Variants in INPP4B observed in about 807,000 individuals in gnomAD.
The protein encoded by INPP4B is inositol polyphosphate-4-phosphatase type II B, also known as inositol polyphosphate 4-phosphatase type II.
Under a neutral mutation model 122.5 loss-of-function variants are expected in INPP4B, and 55 were observed. The ratio of observed to expected loss-of-function variants is 0.45; its 90% CI spans 0.36 to 0.56. The LOEUF is 0.56. Among genes scored for constraint, INPP4B ranks in the 20% least tolerant of loss-of-function variants. The pLI is 0.00. For synonymous variants in INPP4B, 403 were observed against 388.7 expected, an observed-to-expected ratio of 1.04 and a Z score of -0.43; for missense variants, 1,000 against 1,097.7, an observed-to-expected ratio of 0.91 and a Z score of 1.26.
chr4:142,732,540 C>G (rs1262929138), intron 1 of INPP4B, among the ~76,000 whole-genome samples: 1 of 151,686 alleles, frequency 6.6e-6, no homozygotes, highest in Non-Finnish European at 1.5e-5. Flanking sequence ...ACAAATTATG[C>G]TACCATAATG....
Position 142,542,075 on chromosome 4 carries a change from C to T in INPP4B, c.-190-79349G>A, listed in dbSNP as rs367964737. Among the ~76,000 whole-genome samples the T allele has an allele frequency of 2.2e-4, 33 of 152,298 alleles. No individual in the cohort carries two copies. The South Asian group carries it at 6.8e-3, about 32-fold the overall frequency. On this transcript the variant is annotated intron_variant, in intron 2 of 25. Transcript: ENST00000262992. The stretch of plus-strand genomic sequence containing the variant: ...AGTGCACATTTCCAGCAAGTTCTGC[C>T]TGCATGGCACCATGGTAACTTCTCT...
At chr4:142,731,192 A>G (rs1766033301) in intron 1 of INPP4B, among the ~76,000 whole-genome samples, 1 of 152,134 alleles carries the variant, frequency 6.6e-6, no homozygotes, top group Non-Finnish European at 1.5e-5. Flanking sequence ...CCATGGCCAC[A>G]TTACATTTAA....
intron 2 of INPP4B, among the ~76,000 whole-genome samples, chr4:142,679,476 T>G (rs1758281676): frequency 6.6e-6 from 1 of 151,880 alleles, no homozygotes; most frequent in South Asian, 2.1e-4. Context: ...GCACTAGAGT[T>G]TTTTAAAATT....
intron 11 of INPP4B, among the ~76,000 whole-genome samples, chr4:142,258,577 T>C (rs1737810789): frequency 6.6e-6 from 1 of 152,188 alleles, no homozygotes; most frequent in Non-Finnish European, 1.5e-5. Context: ...AGAAGACATT[T>C]ATGCAGCCAA....
chr4:142,321,226 T>A (rs1405259550), intron 7 of INPP4B, among the ~76,000 whole-genome samples: 1 of 152,250 alleles, frequency 6.6e-6, no homozygotes, highest in Non-Finnish European at 1.5e-5. Context: ...TTAGTGATGT[T>A]GAGCACTTTT....
chr4:142,726,854 T>A (rs1048724549), intron 1 of INPP4B, among the ~76,000 whole-genome samples: 2 of 152,220 alleles, frequency 1.3e-5, no homozygotes, highest in Non-Finnish European at 2.9e-5. Context: ...GGAATGATAT[T>A]TTTTCCTATC....
At chr4:142,204,588 A>C (rs192339196) in intron 14 of INPP4B, among the ~76,000 whole-genome samples, 18 of 152,264 alleles carry the variant, frequency 1.2e-4, no homozygotes, top group Admixed American at 3.9e-4. Context: ...TTATTTGGAA[A>C]TAAGTTCTTT....
intron 19 of INPP4B, among the ~76,000 whole-genome samples, chr4:142,124,143 C>CA (rs949761766): frequency 2.0e-5 from 3 of 151,800 alleles, no homozygotes; most frequent in African/African-American, 7.3e-5. Context: ...ATTTTAAAAA[C>CA]AAAATAAGAG....
chr4:142,410,329 A>C (rs1804341769), intron 5 of INPP4B, among the ~76,000 whole-genome samples: 1 of 152,242 alleles, frequency 6.6e-6, no homozygotes, highest in Non-Finnish European at 1.5e-5. Context: ...GGTCAACCCC[A>C]AGTGACCATC....
chr4:142,692,974 C>CA, intron 2 of INPP4B, among the ~76,000 whole-genome samples: 1 of 131,768 alleles, frequency 7.6e-6, no homozygotes, highest in East Asian at 2.0e-4. Context: ...GACAGACAGA[C>CA]ACATACATAG....
intron 9 of INPP4B, among the ~76,000 whole-genome samples, chr4:142,274,338 G>A (rs1747353064): frequency 6.6e-6 from 1 of 151,772 alleles, no homozygotes; most frequent in Non-Finnish European, 1.5e-5. Context: ...TTCTATTACT[G>A]TAAAACAAAG....
intron 14 of INPP4B, among the ~76,000 whole-genome samples, chr4:142,203,130 T>C (rs896821781): frequency 3.3e-5 from 5 of 152,138 alleles, no homozygotes; most frequent in Non-Finnish European, 7.4e-5. Flanking sequence ...TTGCACATGC[T>C]GTGTCAGGCA....
At chr4:142,258,657 C>T (rs1361412060) in intron 11 of INPP4B, among the ~76,000 whole-genome samples, 1 of 152,130 alleles carries the variant, frequency 6.6e-6, no homozygotes, top group African/African-American at 2.4e-5. Context: ...CAATGAGATA[C>T]CATCTCACAC....
chr4:142,711,979 T>C (rs975581), intron 2 of INPP4B, among the ~76,000 whole-genome samples: 149,796 of 152,286 alleles, frequency 0.98, 73,733 homozygotes, highest in South Asian at 1. Context: ...ATGCAGGAGG[T>C]GGAGGTTTCA....
At chr4:142,160,626 G>C (rs938004970) in intron 16 of INPP4B, 65 bp from the exon 17 acceptor site, 1 of 1,224,114 alleles carries the variant, frequency 8.2e-7, no homozygotes, top group African/African-American at 1.5e-5. Context: ...GCTGTGAAAA[G>C]GTCAATTGCA....
At chr4:142,317,968 C>T (rs1406824788) in intron 7 of INPP4B, among the ~76,000 whole-genome samples, 1 of 152,108 alleles carries the variant, frequency 6.6e-6, no homozygotes, top group Non-Finnish European at 1.5e-5. Context: ...CTGAAGTATG[C>T]CAGGCAATAG....
chr4:142,711,728 T>C (rs1018248381), intron 2 of INPP4B, among the ~76,000 whole-genome samples: 1 of 152,132 alleles, frequency 6.6e-6, no homozygotes, highest in African/African-American at 2.4e-5. Flanking sequence ...GGACAGAGCC[T>C]TTATGGATGA....
chr4:142,405,930 G>A (rs977632599), intron 5 of INPP4B, among the ~76,000 whole-genome samples: 10 of 151,986 alleles, frequency 6.6e-5, no homozygotes, highest in Admixed American at 2.0e-4. Context: ...GAGGAGATGG[G>A]TTAATTCTTG....
intron 2 of INPP4B, among the ~76,000 whole-genome samples, chr4:142,511,362 T>G (rs961466127): frequency 1.3e-5 from 2 of 152,158 alleles, no homozygotes; most frequent in Non-Finnish European, 2.9e-5. Context: ...GAATTACCCT[T>G]GACAGTAATC....
Sources: allele counts gnomAD v4.1 joint callset (sites outside exome capture counted in the v4.1 genomes callset), GRCh38; gene constraint gnomAD v4.1.1; transcripts MANE v1.5; gene names NCBI Gene and HGNC (gene_info 2026-07-23, HGNC 2026-07-21).